Variants in MECOM observed in about 807,000 individuals in gnomAD.
MECOM encodes MDS1 and EVI1 complex locus, also known as histone-lysine N-methyltransferase MECOM.
In MECOM, 13 loss-of-function variants were observed where a neutral mutation model predicts 116.3. The ratio of observed to expected loss-of-function variants is 0.11; its 90% CI spans 0.07 to 0.18. The LOEUF (loss-of-function observed/expected upper bound fraction) is 0.18. MECOM is among the 10% of genes least tolerant of loss of function. MECOM has a pLI of 1.00. For missense variants in MECOM, 1,299 were observed against 1,509.0 expected (o/e 0.86, Z 2.31); for synonymous variants, 528 against 535.2 (o/e 0.99, Z 0.19).
At chr3:169,181,183 T>A (rs1460869234) in intron 2 of MECOM, among the ~76,000 whole-genome samples, 1 of 152,184 alleles carries the variant, frequency 6.6e-6, no homozygotes, top group Non-Finnish European at 1.5e-5. Context: ...GCCAGTCAGT[T>A]TGGCTCCAGA....
intron 1 of MECOM, among the ~76,000 whole-genome samples, chr3:169,461,943 T>C (rs1236531282): frequency 3.9e-5 from 6 of 152,192 alleles, no homozygotes; most frequent in African/African-American, 1.4e-4. Context: ...GCTGATATTT[T>C]TGAAGAAGAG....
chr3:169,476,493 G>A (rs1269247158), intron 1 of MECOM, among the ~76,000 whole-genome samples: 1 of 152,220 alleles, frequency 6.6e-6, no homozygotes, highest in Non-Finnish European at 1.5e-5. Context: ...CAGGTGCGGA[G>A]AGAGCTTGCT....
intron 1 of MECOM, among the ~76,000 whole-genome samples, chr3:169,458,782 A>C (rs1260358536): frequency 6.6e-6 from 1 of 152,212 alleles, no homozygotes; most frequent in African/African-American, 2.4e-5. Flanking sequence ...CACTGGACTA[A>C]GGGTAGAGGC....
intron 1 of MECOM, among the ~76,000 whole-genome samples, chr3:169,499,018 CAAT>C (rs1219327514): frequency 4.6e-5 from 7 of 151,664 alleles, no homozygotes; most frequent in Non-Finnish European, 1.0e-4. Context: ...TACGAAGAAA[CAAT>C]AAATCTCACA....
chr3:169,121,309 G>C, intron 6 of MECOM, 100 bp from the exon 7 acceptor site: 1 of 1,288,270 alleles, frequency 7.8e-7, no homozygotes, highest in Non-Finnish European at 1.0e-6. Flanking sequence ...TATTTGTTTT[G>C]TTTTTCTTTT....
intron 2 of MECOM, among the ~76,000 whole-genome samples, chr3:169,163,477 C>A (rs947246790): frequency 6.6e-6 from 1 of 152,124 alleles, no homozygotes; most frequent in Non-Finnish European, 1.5e-5. Flanking sequence ...AATTATAATA[C>A]AATCTTTATT....
intron 1 of MECOM, among the ~76,000 whole-genome samples, chr3:169,497,950 T>A (rs1362054740): frequency 6.6e-6 from 1 of 152,198 alleles, no homozygotes; most frequent in Admixed American, 6.5e-5. Context: ...AATGTGTGAA[T>A]CACATTGATA....
intron 2 of MECOM, among the ~76,000 whole-genome samples, chr3:169,265,883 G>A (rs1427132408): frequency 1.3e-5 from 2 of 152,158 alleles, no homozygotes; most frequent in Non-Finnish European, 2.9e-5. Context: ...CGAGGCAGCA[G>A]TACTGTGCTA....
intron 1 of MECOM, among the ~76,000 whole-genome samples, chr3:169,596,271 CT>C (rs1276364484): frequency 6.6e-6 from 1 of 152,180 alleles, no homozygotes; most frequent in African/African-American, 2.4e-5. Context: ...GTGCCAAGAG[CT>C]TTCTGTCCTG....
chr3:169,255,482 CA>C (rs1756755257), intron 2 of MECOM, among the ~76,000 whole-genome samples: 2 of 151,882 alleles, frequency 1.3e-5, no homozygotes, highest in South Asian at 4.2e-4. Context: ...ACGTGTGGCT[CA>C]GGGGTAGTCT....
intron 12 of MECOM, among the ~76,000 whole-genome samples, chr3:169,095,845 TA>T (rs1460986491): frequency 4.0e-5 from 6 of 151,248 alleles, no homozygotes; most frequent in Admixed American, 6.6e-5. Flanking sequence ...TAAACTGTTA[TA>T]AAAAAAATAA....
intron 2 of MECOM, among the ~76,000 whole-genome samples, chr3:169,179,548 C>T (rs148229370): frequency 6.6e-6 from 1 of 152,204 alleles, no homozygotes; most frequent in African/African-American, 2.4e-5. Context: ...GGGGCCTACT[C>T]GAATAATAAA....
intron 1 of MECOM, among the ~76,000 whole-genome samples, chr3:169,584,457 C>T (rs1263131346): frequency 6.6e-6 from 1 of 150,484 alleles, no homozygotes; most frequent in Non-Finnish European, 1.5e-5. Flanking sequence ...CCCAGCTACT[C>T]AGGAGGCTGA....
chr3:169,586,672 T>C (rs1344751951), intron 1 of MECOM, among the ~76,000 whole-genome samples: 1 of 152,236 alleles, frequency 6.6e-6, no homozygotes, highest in Non-Finnish European at 1.5e-5. Flanking sequence ...CCTAGGAATA[T>C]ATAATTTCAA....
At chr3:169,562,548 G>A (rs765474939) in intron 1 of MECOM, among the ~76,000 whole-genome samples, 2 of 152,158 alleles carry the variant, frequency 1.3e-5, no homozygotes, top group African/African-American at 4.8e-5. Flanking sequence ...CTTCAGCTAC[G>A]TGTATTGATG....
At chr3:169,524,574 T>C (rs1361408110) in intron 1 of MECOM, among the ~76,000 whole-genome samples, 2 of 152,200 alleles carry the variant, frequency 1.3e-5, no homozygotes, top group Non-Finnish European at 2.9e-5. Flanking sequence ...TTCAACAGCA[T>C]GTTTGGATTT....
At chr3:169,640,827 A>G (rs1405999573) in intron 1 of MECOM, among the ~76,000 whole-genome samples, 1 of 152,194 alleles carries the variant, frequency 6.6e-6, no homozygotes, top group African/African-American at 2.4e-5. Flanking sequence ...CCAGAAAGAG[A>G]GACAGGCTCT....
intron 1 of MECOM, among the ~76,000 whole-genome samples, chr3:169,486,006 C>CTATATATATGTATATATAGTA (rs1578238483): frequency 2.8e-5 from 3 of 108,546 alleles, no homozygotes; most frequent in East Asian, 2.8e-4. Context: ...TATATATATA[C>CTATATATATGTATATATAGTA]TATATATATA....
chr3:169,600,545 T>C (rs1767712332), intron 1 of MECOM, among the ~76,000 whole-genome samples: 1 of 152,196 alleles, frequency 6.6e-6, no homozygotes, highest in Non-Finnish European at 1.5e-5. Context: ...GGGGCCATGA[T>C]TAATTTTCTC....
Sources: gnomAD v4.1 joint callset for allele counts (sites outside exome capture counted in the v4.1 genomes callset) on GRCh38, gnomAD v4.1.1 for gene constraint, MANE v1.5 for transcripts, NCBI Gene and HGNC (gene_info 2026-07-23, HGNC 2026-07-21) for gene names.